KRT1: variants seen among roughly 807,000 people sequenced by gnomAD.
KRT1 encodes keratin, type II cytoskeletal 1.
Under a neutral mutation model 51.6 loss-of-function variants are expected in KRT1, and 28 were observed. The observed-to-expected ratio is 0.54, with a 90% CI of 0.40 to 0.74. KRT1 has a LOEUF of 0.74. Among genes scored for constraint, KRT1 ranks in the 30% least tolerant of loss-of-function variants. KRT1 has a pLI of 0.00. For synonymous variants in KRT1, 301 were observed against 307.7 expected (o/e 0.98, Z 0.23); for missense variants, 783 against 815.5 (o/e 0.96, Z 0.49).
Position 52,680,264 on chromosome 12 carries a change from G to T in KRT1, c.85C>A (p.Arg29Ser), listed in dbSNP as rs201494492. ...CGTGTGGAGCTGCTGGTGGTCCTGC[G>T]CTGGTAGTTGATGATCCCAGCAGAG... ...SGSAGIINYQ[R>S]RTTSSSTRRS... The change falls in exon 1 of 9, where the codon CGC (arginine) becomes AGC (serine). Residue 29 changes from arginine (R) to serine (S), a missense_variant. Coordinates refer to ENST00000252244, the MANE Select transcript of KRT1 (RefSeq NM_006121.4). The T allele has an allele frequency of 6.2e-7, 1 of 1,613,698 alleles. No homozygotes were observed. The highest frequency in any genetic ancestry group is 1.1e-5 in the South Asian group (1 of 91,048).
intron 7 of KRT1, 66 bp downstream of exon 7, chr12:52,676,209 C>T: frequency 1.5e-6 from 2 of 1,344,914 alleles, no homozygotes; most frequent in Non-Finnish European, 2.1e-6. Context: ...GCATCTTCAA[C>T]AACAATCAGC....
Position 52,678,161 on chromosome 12 carries a change from A to C in KRT1, c.867+2T>G. 3.1e-6 allele frequency: 5 copies of C among 1,613,808 alleles called. No individual in the cohort carries two copies. The highest frequency in any genetic ancestry group is 4.2e-6 in the Non-Finnish European group (5 of 1,179,812). On this transcript the variant is annotated splice_donor_variant, in intron 3 of 8. Coordinates refer to ENST00000252244, the MANE Select transcript of KRT1 (RefSeq NM_006121.4). LOFTEE classifies it high-confidence loss of function. ...GAGTTCCGTCCTACAGAATTTGCTT[A>C]CCTTCTTGATGGTCACAAATTCATT...
Position 52,677,338 on chromosome 12 carries a change from G to A in KRT1, c.1106C>T (p.Ala369Val). 1 of 1,614,224 alleles carries A rather than the reference G, an allele frequency of 6.2e-7. No homozygotes were observed. The highest frequency in any genetic ancestry group is 8.5e-7 in the Non-Finnish European group (1 of 1,180,048). The change falls in exon 5 of 9, where the codon GCC (alanine) becomes GTC (valine). Residue 369 changes from alanine to valine, a missense_variant. Transcript: ENST00000252244. ...EDIAQKSKAE[A>V]ESLYQSKYEE... ...CACCTTGCTCTGGTACAAGGACTCGGCCTCAGCTTTGCTCTTCTGGGCTAT... is the reference window on the plus strand; with the variant it reads ...CACCTTGCTCTGGTACAAGGACTCGACCTCAGCTTTGCTCTTCTGGGCTAT...
chr12:52,679,480 T>C (rs977247757), intron 1 of KRT1, among the ~76,000 whole-genome samples: 1 of 152,192 alleles, frequency 6.6e-6, no homozygotes, highest in Non-Finnish European at 1.5e-5. Flanking sequence ...TCAACAGATA[T>C]GAGTCCCAAT....
rs1239263302 is a variant in KRT1 at position 52,677,756 on chromosome 12, A to G, written c.868-11T>C. On this transcript the variant is annotated splice_polypyrimidine_tract_variant and intron_variant, in intron 3 of 8. Transcript: ENST00000252244. ...AGCACCATCCACATCCTAGAGGAAC[A>G]AGGGACATCATGAAGGCACATTCTC... 1.9e-6 allele frequency: 3 copies of G among 1,611,398 alleles called. No individual in the cohort carries two copies. The highest frequency in any genetic ancestry group is 2.5e-6 in the Non-Finnish European group (3 of 1,177,648).
Position 52,674,949 on chromosome 12 carries a change from C to G in KRT1, c.*244G>C. Reference sequence around the variant, plus strand: ...AATGTCATGTGGGTGGTGGTCACTGCTGAACTGTTTCTCAGGGAAAGAACA... The same window carrying G: ...AATGTCATGTGGGTGGTGGTCACTGGTGAACTGTTTCTCAGGGAAAGAACA... On this transcript the variant is annotated 3_prime_UTR_variant, in exon 9 of 9. Coordinates refer to ENST00000252244, the MANE Select transcript of KRT1 (RefSeq NM_006121.4). 1 of 638,588 alleles carries G rather than the reference C, an allele frequency of 1.6e-6. No individual in the cohort carries two copies. Among genetic ancestry groups the G allele is most frequent in the South Asian group, 1.8e-5 (1 of 54,504 alleles). The allele number at this position is 638,588 out of a possible 1,614,324, so 39.6% of individuals were successfully genotyped here. A position where few individuals can be genotyped will look rare whatever the true frequency, so the allele number is the denominator to read the frequency against.
At position 52,675,354 on chromosome 12, in the gene KRT1, C is replaced by T. The variant is rs1366034210; in HGVS notation, c.1774G>A (p.Gly592Arg). The T allele has an allele frequency of 6.2e-7, 1 of 1,610,514 alleles. No homozygotes were observed. The highest frequency in any genetic ancestry group is 1.7e-5 in the Admixed American group (1 of 59,876). ...CCAGAGCTGCCGCCGCCGCCGCCTCCAGAGCCACCTCTGTAGCCCCCACTG... is the reference window on the plus strand; with the variant it reads ...CCAGAGCTGCCGCCGCCGCCGCCTCTAGAGCCACCTCTGTAGCCCCCACTG... ...SSSGGYRGGS[G>R]GGGGGSSGGR... Residue 592 changes from glycine (G) to arginine (R), a missense_variant, in exon 9 of 9, where the codon GGA becomes AGA. Physicochemically the swap from Gly to Arg is moderately radical, Grantham distance 125. Transcript: ENST00000252244.
chr12:52,678,201 G>C lies in KRT1; in HGVS notation c.829C>G (p.Arg277Gly), dbSNP rs1336910993. Residue 277 changes from arginine to glycine, a missense_variant, in exon 3 of 9, where the codon CGG (arginine) becomes GGG (glycine). Transcript: ENST00000252244. The part of the protein sequence containing the change: ...RNKYEDEINK[R>G]TNAENEFVTI... The stretch of plus-strand genomic sequence containing the variant: ...ACAAATTCATTCTCTGCATTTGTCC[G>C]CTTGTTGATTTCATCCTCATACCTG... 1.2e-6 allele frequency: 2 copies of C among 1,613,876 alleles called. No homozygotes were observed. The highest frequency in any genetic ancestry group is 2.2e-5 in the East Asian group (1 of 44,898).
At position 52,675,521 on chromosome 12, in the gene KRT1, C is replaced by T. The variant is rs1242541937; in HGVS notation, c.1607G>A (p.Gly536Asp). ...GSGGSSYGSG[G>D]GSYGSGGGGG... ...GCCACCTCCAGAACCATAGCTACCA[C>T]CTCCGGAGCCATAGCTGCTACCTCC... Residue 536 changes from glycine (G) to aspartate (D), a missense_variant, in exon 9 of 9, where the codon GGT (glycine) becomes GAT (aspartate). By Grantham distance (94) the Gly-to-Asp change is moderately conservative. Coordinates refer to ENST00000252244, the MANE Select transcript of KRT1 (RefSeq NM_006121.4). 8.7e-6 allele frequency: 14 copies of T among 1,608,314 alleles called. No homozygotes were observed. Among genetic ancestry groups the T allele is most frequent in the Non-Finnish European group, 1.2e-5 (14 of 1,176,382 alleles).
intron 7 of KRT1, 106 bp downstream of exon 7, chr12:52,676,169 A>G (rs3891206): frequency 2.1e-6 from 2 of 962,036 alleles, no homozygotes; most frequent in African/African-American, 1.6e-5. Flanking sequence ...TCATTTCCCC[A>G]TACCCAGCAC....
At chr12:52,679,362 T>C (rs544906758) in intron 1 of KRT1, among the ~76,000 whole-genome samples, 4 of 152,116 alleles carry the variant, frequency 2.6e-5, no homozygotes, top group Admixed American at 6.5e-5. Flanking sequence ...ACAATAACAC[T>C]CTATACTATG....
intron 4 of KRT1, 64 bp downstream of exon 4, chr12:52,677,586 C>A: frequency 6.2e-7 from 1 of 1,603,494 alleles, no homozygotes; most frequent in Non-Finnish European, 8.5e-7. Context: ...TCTTCTGAAT[C>A]GTTGTGGGTT....
chr12:52,678,033 G>A (rs954395136), intron 3 of KRT1, 130 bp downstream of exon 3: 6 of 857,684 alleles, frequency 7.0e-6, no homozygotes, highest in African/African-American at 3.3e-5. Context: ...TGAAAATATA[G>A]CCCCACTCCA....
chr12:52,675,754 A>G lies in KRT1; in HGVS notation c.1476-10T>C, dbSNP rs1941495247. 3.1e-6 allele frequency: 5 copies of G among 1,613,902 alleles called. No homozygotes were observed. The highest frequency in any genetic ancestry group is 1.3e-5 in the African/African-American group (1 of 74,886). On this transcript the variant is annotated splice_polypyrimidine_tract_variant and intron_variant, in intron 7 of 8. Coordinates refer to ENST00000252244, the MANE Select transcript of KRT1 (RefSeq NM_006121.4). Reference sequence around the variant, plus strand: ...ACATTCTCCAGACATCCTGTAGGAGAAAATAAGAAAATTCCTCAGGACACT... The same window carrying G: ...ACATTCTCCAGACATCCTGTAGGAGGAAATAAGAAAATTCCTCAGGACACT...
Position 52,680,085 on chromosome 12 carries a change from A to C in KRT1, c.264T>G (p.Ser88Arg), listed in dbSNP as rs1442864499. 6.4e-7 allele frequency: 1 copy of C among 1,556,052 alleles called. No homozygotes were observed. Among genetic ancestry groups the C allele is most frequent in the Non-Finnish European group, 8.7e-7 (1 of 1,149,658 alleles). Residue 88 changes from serine (S) to arginine (R), a missense_variant, in exon 1 of 9, where the codon AGT becomes AGG. Physicochemically the swap from Ser to Arg is moderately radical, Grantham distance 110 (BLOSUM62 -1). Coordinates refer to ENST00000252244, the MANE Select transcript of KRT1 (RefSeq NM_006121.4). Reference protein sequence around the residue: ...ISVARGGGRGSGFGGGYGGGG... With the variant: ...ISVARGGGRGRGFGGGYGGGG... ...CACCACCATAACCACCACCAAAGCC[A>C]CTACCACGTCCACCTCCTCTAGCCA...
rs1280467721 is a variant in KRT1, at chr12:52,677,143, A to G, written c.1170T>C (p.Ser390=). ...AAATTTCTATCTTTGAATTTCTCAC[A>G]CTATCCCCATGTCTGCCAGCAGTGA... ...LQITAGRHGD[S]VRNSKIEISE... is the part of the protein sequence containing the mutation. Residue 390 remains serine (S), a synonymous_variant, in exon 6 of 9, where the codon AGT becomes AGC. Coordinates refer to ENST00000252244, the MANE Select transcript of KRT1 (RefSeq NM_006121.4). 4 of 1,614,046 alleles carry G rather than the reference A, an allele frequency of 2.5e-6. No homozygotes were observed. The African/African-American group carries it at 4.0e-5, about 16-fold the overall frequency.
In KRT1 at chr12:52,675,151, T is replaced by C; in HGVS notation, c.*42A>G. 1 of 1,610,482 alleles carries C rather than the reference T, an allele frequency of 6.2e-7. No homozygotes were observed. ...TCTTGCCAAGCATATTTGTTAGTGA[T>C]GCTGGGGGAGAACTAGAGCTAATGA... On this transcript the variant is annotated 3_prime_UTR_variant, in exon 9 of 9. Transcript: ENST00000252244.
Position 52,676,361 on chromosome 12 carries a change from G to C in KRT1, c.1389C>G (p.Arg463=), listed in dbSNP as rs936958. ...TTGTGTTCATCAGCTCCTGGTAGTC[G>C]CGCAGCAGGCGGGCCAGGTCTTCCT... ...QAKEDLARLL[R]DYQELMNTKL... Residue 463 remains arginine, a synonymous_variant, in exon 7 of 9, where the codon CGC becomes CGG. Transcript: ENST00000252244. The C allele has an allele frequency of 1.8e-5, 29 of 1,613,812 alleles. No individual in the cohort carries two copies. Among genetic ancestry groups the C allele is most frequent in the Non-Finnish European group, 2.1e-5 (25 of 1,179,968 alleles).
At position 52,679,755 on chromosome 12, in the gene KRT1, C is replaced by A. The variant is rs1941558187; in HGVS notation, c.591+3G>T. 1 of 1,613,832 alleles carries A rather than the reference C, an allele frequency of 6.2e-7. No homozygotes were observed. Among genetic ancestry groups the A allele is most frequent in the Non-Finnish European group, 8.5e-7 (1 of 1,179,708 alleles). ...CTACCAGTGCAATGAGAGAGAAACTCACCTTGTCAATGAAGGAGGCAAATT... is the reference window on the plus strand; with the variant it reads ...CTACCAGTGCAATGAGAGAGAAACTAACCTTGTCAATGAAGGAGGCAAATT... On this transcript the variant is annotated splice_donor_region_variant and intron_variant, in intron 1 of 8. Transcript: ENST00000252244.
Sources: allele counts gnomAD v4.1 joint callset (sites outside exome capture counted in the v4.1 genomes callset), GRCh38; gene constraint gnomAD v4.1.1; transcripts MANE v1.5; gene names NCBI Gene and HGNC (gene_info 2026-07-23, HGNC 2026-07-21).